SMYD3: variants seen among roughly 807,000 people sequenced by gnomAD.
SMYD3 encodes SET and MYND domain containing 3.
SMYD3 carries 36 observed loss-of-function variants against 57.7 expected under a neutral mutation model. The observed-to-expected ratio is 0.62, with a 90% CI of 0.48 to 0.82. The LOEUF is 0.82. Ranked by LOEUF, SMYD3 falls within the 40% of genes least tolerant of loss-of-function variation. SMYD3 has a pLI of 0.00. For synonymous variants in SMYD3, 211 were observed against 195.0 expected (o/e 1.08, Z -0.68); for missense variants, 515 against 538.8 (o/e 0.96, Z 0.44).
chr1:245,947,684 G>A (rs2057470239), intron 5 of SMYD3, among the ~76,000 whole-genome samples: 2 of 152,156 alleles, frequency 1.3e-5, no homozygotes, highest in African/African-American at 4.8e-5. Context: ...CATATAGGAA[G>A]CTTAGTAAAT....
chr1:245,818,004 C>T (rs1452253216), intron 10 of SMYD3, among the ~76,000 whole-genome samples: 2 of 152,136 alleles, frequency 1.3e-5, no homozygotes, highest in East Asian at 3.9e-4. Flanking sequence ...CTTCCCCAAT[C>T]TAGCAAGGCA....
intron 5 of SMYD3, among the ~76,000 whole-genome samples, chr1:246,227,488 G>A (rs1289531020): frequency 2.0e-5 from 3 of 152,108 alleles, no homozygotes; most frequent in Non-Finnish European, 2.9e-5. Flanking sequence ...GGTGGCGGGC[G>A]CCTGAAGTCC....
At chr1:245,954,315 T>A (rs976007484) in intron 5 of SMYD3, among the ~76,000 whole-genome samples, 11 of 152,060 alleles carry the variant, frequency 7.2e-5, no homozygotes, top group Non-Finnish European at 1.6e-4. Flanking sequence ...AAATTGCAGA[T>A]CAAGATGAGC....
intron 5 of SMYD3, among the ~76,000 whole-genome samples, chr1:246,143,461 G>A (rs2061793991): frequency 6.6e-6 from 1 of 152,122 alleles, no homozygotes; most frequent in Admixed American, 6.5e-5. Context: ...TGGATAGCTT[G>A]TTCAAGACCA....
intron 5 of SMYD3, among the ~76,000 whole-genome samples, chr1:246,162,516 C>T (rs961941921): frequency 6.6e-6 from 1 of 152,190 alleles, no homozygotes; most frequent in Non-Finnish European, 1.5e-5. Flanking sequence ...ATTCTTATCT[C>T]CTCAAGAATC....
chr1:245,898,670 A>G (rs1015308409), intron 8 of SMYD3, among the ~76,000 whole-genome samples: 1 of 152,272 alleles, frequency 6.6e-6, no homozygotes, highest in Non-Finnish European at 1.5e-5. Flanking sequence ...CAGTGAGGCA[A>G]CAGAGCTTTG....
chr1:246,081,691 GC>G (rs2060639841), intron 5 of SMYD3, among the ~76,000 whole-genome samples: 1 of 152,124 alleles, frequency 6.6e-6, no homozygotes, highest in Non-Finnish European at 1.5e-5. Context: ...ACTGCACCCA[GC>G]CCCTAGCTTC....
intron 5 of SMYD3, among the ~76,000 whole-genome samples, chr1:246,192,642 T>G (rs551391142): frequency 2.2e-4 from 34 of 152,302 alleles, no homozygotes; most frequent in African/African-American, 8.2e-4. Flanking sequence ...CCTATCAATG[T>G]TAAAATGCAG....
chr1:245,782,655 A>G (rs2148144922), intron 10 of SMYD3, among the ~76,000 whole-genome samples: 1 of 152,350 alleles, frequency 6.6e-6, no homozygotes, highest in Non-Finnish European at 1.5e-5. Context: ...ATTAAACTAG[A>G]TACTCACAGT....
chr1:246,209,839 T>C (rs2063060217), intron 5 of SMYD3, among the ~76,000 whole-genome samples: 1 of 152,112 alleles, frequency 6.6e-6, no homozygotes, highest in African/African-American at 2.4e-5. Context: ...CTGACTCTAG[T>C]GAATCAAGAG....
intron 5 of SMYD3, among the ~76,000 whole-genome samples, chr1:245,973,355 G>A (rs1386191153): frequency 6.6e-6 from 1 of 152,216 alleles, no homozygotes; most frequent in South Asian, 2.1e-4. Flanking sequence ...GGGTGTCCAT[G>A]TTATACACAG....
intron 5 of SMYD3, among the ~76,000 whole-genome samples, chr1:246,215,102 C>T (rs61732202): frequency 6.6e-6 from 1 of 152,048 alleles, no homozygotes; most frequent in African/African-American, 2.4e-5. Context: ...GGAAGAGAAG[C>T]TCATGATTCT....
chr1:246,145,769 A>T (rs2061833389), intron 5 of SMYD3, among the ~76,000 whole-genome samples: 1 of 152,224 alleles, frequency 6.6e-6, no homozygotes, highest in Non-Finnish European at 1.5e-5. Flanking sequence ...ATCCATGTAG[A>T]CTGCTAAGCA....
At chr1:246,340,178 G>T (rs967036987) in intron 2 of SMYD3, among the ~76,000 whole-genome samples, 1 of 150,092 alleles carries the variant, frequency 6.7e-6, no homozygotes, top group African/African-American at 2.4e-5. Flanking sequence ...TAATATTAAG[G>T]TGGAAAAAGT....
At chr1:246,452,814 T>C (rs1468481763) in intron 1 of SMYD3, among the ~76,000 whole-genome samples, 2 of 152,098 alleles carry the variant, frequency 1.3e-5, no homozygotes, top group Non-Finnish European at 2.9e-5. Flanking sequence ...AATGGAAAAA[T>C]ACATTTCATA....
intron 11 of SMYD3, among the ~76,000 whole-genome samples, chr1:245,760,566 G>A (rs2045803010): frequency 1.3e-5 from 2 of 152,078 alleles, no homozygotes; most frequent in Admixed American, 6.5e-5. Flanking sequence ...GCAGGCCCAG[G>A]GGGAGGCTTT....
chr1:245,888,692 C>G (rs2053217442), intron 8 of SMYD3, among the ~76,000 whole-genome samples: 1 of 152,196 alleles, frequency 6.6e-6, no homozygotes, highest in South Asian at 2.1e-4. Flanking sequence ...TTCGATGGAT[C>G]TAAGTACAAA....
intron 5 of SMYD3, among the ~76,000 whole-genome samples, chr1:245,969,102 G>A (rs769761161): frequency 3.3e-5 from 5 of 152,176 alleles, no homozygotes; most frequent in African/African-American, 7.2e-5. Context: ...TTCTCAAAAC[G>A]TAAGTACTTC....
chr1:246,089,913 G>A (rs1450399708), intron 5 of SMYD3, among the ~76,000 whole-genome samples: 1 of 149,562 alleles, frequency 6.7e-6, no homozygotes, highest in African/African-American at 2.5e-5. Flanking sequence ...GGGGAGGGGT[G>A]TTTTTACAAG....
Sources: gnomAD v4.1 joint callset for allele counts (sites outside exome capture counted in the v4.1 genomes callset) on GRCh38, gnomAD v4.1.1 for gene constraint, MANE v1.5 for transcripts, NCBI Gene and HGNC (gene_info 2026-07-23, HGNC 2026-07-21) for gene names.